Variants in IPO11 observed in about 807,000 individuals in gnomAD.
IPO11 encodes the protein importin-11.
IPO11 carries 66 observed loss-of-function variants against 143.2 expected under a neutral mutation model. The observed-to-expected ratio is 0.46, with a 90% CI of 0.38 to 0.57. The LOEUF (loss-of-function observed/expected upper bound fraction) is 0.57. IPO11 is among the 20% of genes least tolerant of loss of function. IPO11 has a pLI of 0.00. For synonymous variants in IPO11, 385 were observed against 377.8 expected (o/e 1.02, Z -0.22); for missense variants, 1,026 against 1,141.0 (o/e 0.90, Z 1.45).
At chr5:62,506,453 CATT>C in intron 19 of IPO11, 96 bp downstream of exon 19, 1 of 668,512 alleles carries the variant, frequency 1.5e-6, no homozygotes, top group Non-Finnish European at 2.6e-6. Context: ...AGAGTTAAAA[CATT>C]AATTGAAATG....
At chr5:62,441,496 CTTTTTTTTTTT>C (rs995019567) in intron 2 of IPO11, among the ~76,000 whole-genome samples, 57 of 47,380 alleles carry the variant, frequency 1.2e-3, no homozygotes, top group African/African-American at 4.4e-3. Context: ...TGTGCCTGGC[CTTTTTTTTTTT>C]TTTTTTTTTT....
At chr5:62,596,209 C>T (rs942304697) in intron 28 of IPO11, among the ~76,000 whole-genome samples, 2 of 141,646 alleles carry the variant, frequency 1.4e-5, no homozygotes, top group Non-Finnish European at 3.0e-5. Flanking sequence ...ATCGAGGCTG[C>T]AGTGAGCTGT....
At chr5:62,459,910 A>G (rs946482721) in intron 5 of IPO11, among the ~76,000 whole-genome samples, 1 of 152,224 alleles carries the variant, frequency 6.6e-6, no homozygotes, top group Non-Finnish European at 1.5e-5. Flanking sequence ...AGTTATTGTT[A>G]AGAATACAGG....
intron 27 of IPO11, among the ~76,000 whole-genome samples, chr5:62,566,315 G>A (rs749929650): frequency 6.6e-6 from 1 of 152,024 alleles, no homozygotes; most frequent in Middle Eastern, 3.2e-3. Flanking sequence ...TTTAATAATC[G>A]CCATTCTGTC....
rs138726976 is a variant in IPO11, at chr5:62,492,909, A to G, written c.1464-1089A>G. 3.5e-3 allele frequency among the ~76,000 whole-genome samples: 515 copies of G among 149,154 alleles called. 3 individuals are homozygous for G. Among genetic ancestry groups the G allele is most frequent in the African/African-American group, 0.012 (467 of 40,518 alleles). On this transcript the variant is annotated intron_variant, in intron 15 of 29. Coordinates refer to ENST00000325324, the MANE Select transcript of IPO11 (RefSeq NM_016338.5). ...TCTTTTAAAATTGCAATTTTTTGGG[A>G]AAAAAAAAAGTGTTTCATTTATACC...
chr5:62,479,592 A>C (rs1746107339), intron 9 of IPO11, among the ~76,000 whole-genome samples: 1 of 152,172 alleles, frequency 6.6e-6, no homozygotes, highest in African/African-American at 2.4e-5. Context: ...CATCCTCTCC[A>C]GCACCTGTTG....
At chr5:62,580,007 A>G (rs753560236) in intron 27 of IPO11, 12 of 1,551,296 alleles carry the variant, frequency 7.7e-6, no homozygotes, top group South Asian at 1.2e-5. Flanking sequence ...TTATCAAACA[A>G]TAACATTTTG....
At chr5:62,626,845 T>C (rs1285477091) in intron 29 of IPO11, among the ~76,000 whole-genome samples, 1 of 152,234 alleles carries the variant, frequency 6.6e-6, no homozygotes, top group African/African-American at 2.4e-5. Context: ...TTCTTCAGCA[T>C]GTTCTGTTTC....
chr5:62,617,169 G>C (rs1434548885), intron 29 of IPO11, among the ~76,000 whole-genome samples: 1 of 152,160 alleles, frequency 6.6e-6, no homozygotes, highest in African/African-American at 2.4e-5. Context: ...GTGTCCTATA[G>C]ATGTTCATAC....
chr5:62,450,090 A>G, intron 4 of IPO11, 91 bp downstream of exon 4: 1 of 790,572 alleles, frequency 1.3e-6, no homozygotes, highest in Non-Finnish European at 2.0e-6. Context: ...AAAAATAAAA[A>G]TATCACTATT....
At chr5:62,513,410 G>T (rs1580268428) in intron 19 of IPO11, among the ~76,000 whole-genome samples, 1 of 99,874 alleles carries the variant, frequency 1.0e-5, no homozygotes, top group African/African-American at 3.6e-5. Flanking sequence ...GGGAGGGGGC[G>T]CTGACCCCCC....
chr5:62,578,931 T>C, intron 27 of IPO11: 1 of 245,654 alleles, frequency 4.1e-6, no homozygotes, highest in African/African-American at 2.3e-5. Context: ...AATTTCCTTT[T>C]CTTGGTAAGA....
At chr5:62,595,606 G>A (rs1393356861) in intron 28 of IPO11, among the ~76,000 whole-genome samples, 1 of 152,042 alleles carries the variant, frequency 6.6e-6, no homozygotes, top group Non-Finnish European at 1.5e-5. Context: ...CAAGATAAAT[G>A]GATAGTCAAC....
At chr5:62,586,752 CAAAAAAAA>C (rs763383085) in intron 27 of IPO11, among the ~76,000 whole-genome samples, 1 of 60,498 alleles carries the variant, frequency 1.7e-5, no homozygotes, top group African/African-American at 7.9e-5. Flanking sequence ...ACTCAGTCTC[CAAAAAAAA>C]AAAAAAAAAT....
rs1580150177 is a variant in IPO11, at chr5:62,416,207, A to G, written c.-7+3278A>G. ...CTTTTTTTTTTTTTTTTTGAGACGG[A>G]GCCTCGCTCTTGTCTCCCAGGCTGG... is the stretch of plus-strand genomic sequence containing the variant. On this transcript the variant is annotated intron_variant, in intron 1 of 29. Transcript: ENST00000325324. Among the ~76,000 whole-genome samples, 7 of 116,680 alleles carry G rather than the reference A, an allele frequency of 6.0e-5. No individual in the cohort carries two copies. In the South Asian group the frequency reaches 1.6e-3, roughly 26 times the overall value. The allele number at this position is 116,680 out of a possible 152,430, so 76.5% of individuals were successfully genotyped here.
chr5:62,450,008 G>GAAATGAAT lies in IPO11; in HGVS notation c.312+10_312+17dup. 1 of 1,563,340 alleles carries GAAATGAAT rather than the reference G, an allele frequency of 6.4e-7. No individual in the cohort carries two copies. The highest frequency in any genetic ancestry group is 1.7e-4 in the Middle Eastern group (1 of 5,920). On this transcript the variant is annotated intron_variant, in intron 4 of 29. Coordinates refer to ENST00000325324, the MANE Select transcript of IPO11 (RefSeq NM_016338.5). ...ATGAACCAATAAACCAGGTTAGTGA[G>GAAATGAAT]AAATGAATGCTAATTTTTCTTTTTA...
At chr5:62,416,182 CTTTTTTTTT>C (rs869236693) in intron 1 of IPO11, among the ~76,000 whole-genome samples, 3 of 123,508 alleles carry the variant, frequency 2.4e-5, no homozygotes, top group Non-Finnish European at 5.0e-5. Flanking sequence ...TTTTTCTTTT[CTTTTTTTTT>C]TTTTTTTTGA....
chr5:62,494,125 G>A lies in IPO11; in HGVS notation c.1590+1G>A. ...CTTGCTTCAAGATCAAGATTTAGTG[G>A]TATGTTTCTTAAGTGCCTTAAAAGA... is the stretch of plus-strand genomic sequence containing the variant. On this transcript the variant is annotated splice_donor_variant, in intron 16 of 29. Coordinates refer to ENST00000325324, the MANE Select transcript of IPO11 (RefSeq NM_016338.5). LOFTEE classifies it high-confidence loss of function. 6.2e-7 allele frequency: 1 copy of A among 1,608,622 alleles called. No individual in the cohort carries two copies. Among genetic ancestry groups the A allele is most frequent in the Non-Finnish European group, 8.5e-7 (1 of 1,177,620 alleles).
At chr5:62,476,021 A>T (rs1200502895) in intron 8 of IPO11, among the ~76,000 whole-genome samples, 1 of 152,232 alleles carries the variant, frequency 6.6e-6, no homozygotes, top group Non-Finnish European at 1.5e-5. Context: ...TTAGTAAAAC[A>T]TTGTTGAGCC....
Sources: allele counts gnomAD v4.1 joint callset (sites outside exome capture counted in the v4.1 genomes callset), GRCh38; gene constraint gnomAD v4.1.1; transcripts MANE v1.5; gene names NCBI Gene and HGNC (gene_info 2026-07-23, HGNC 2026-07-21).